TNKS: variants seen among roughly 807,000 people sequenced by gnomAD.
TNKS encodes the protein poly [ADP-ribose] polymerase tankyrase-1.
TNKS carries 72 observed loss-of-function variants against 135.8 expected under a neutral mutation model. The ratio of observed to expected loss-of-function variants is 0.53; its 90% CI spans 0.44 to 0.64. The LOEUF (loss-of-function observed/expected upper bound fraction) is 0.64. TNKS is among the 30% of genes least tolerant of loss of function. The pLI is 0.00. For synonymous variants in TNKS, 849 were observed against 649.3 expected (o/e 1.31, Z -4.68); for missense variants, 1,769 against 1,674.0 (o/e 1.06, Z -0.99).
At chr8:9,763,877 G>T (rs1175834524) in intron 22 of TNKS, among the ~76,000 whole-genome samples, 1 of 152,148 alleles carries the variant, frequency 6.6e-6, no homozygotes, top group Non-Finnish European at 1.5e-5. Flanking sequence ...GCAGAAAAAG[G>T]TATGCCTAAT....
chr8:9,644,298 C>G (rs1370062834), intron 3 of TNKS, among the ~76,000 whole-genome samples: 1 of 151,982 alleles, frequency 6.6e-6, no homozygotes, highest in Non-Finnish European at 1.5e-5. Flanking sequence ...GAGGTGATGC[C>G]ATAAATAAAT....
intron 5 of TNKS, among the ~76,000 whole-genome samples, chr8:9,695,132 AT>A (rs140737414): frequency 0.012 from 1,837 of 152,288 alleles, 39 homozygotes; most frequent in African/African-American, 0.041. Flanking sequence ...AGTTGTCATG[AT>A]TTTATTGCTC....
chr8:9,709,574 G>A (rs890101437), intron 9 of TNKS, among the ~76,000 whole-genome samples: 8 of 152,166 alleles, frequency 5.3e-5, no homozygotes, highest in Non-Finnish European at 1.2e-4. Context: ...GAAGAGCTTA[G>A]AAATACTGAC....
chr8:9,598,848 A>T (rs1213360368), intron 2 of TNKS, among the ~76,000 whole-genome samples: 1 of 140,036 alleles, frequency 7.1e-6, no homozygotes, highest in African/African-American at 2.6e-5. Context: ...TTTTACACAC[A>T]TAAGAAATTT....
At chr8:9,657,149 C>T (rs1283496888) in intron 3 of TNKS, among the ~76,000 whole-genome samples, 34 of 134,664 alleles carry the variant, frequency 2.5e-4, no homozygotes, top group South Asian at 5.3e-4. Flanking sequence ...ACCTCCCAGA[C>T]GGGGTGGTGG....
intron 12 of TNKS, among the ~76,000 whole-genome samples, chr8:9,723,232 T>C (rs1234258512): frequency 6.6e-6 from 1 of 151,056 alleles, no homozygotes; most frequent in Non-Finnish European, 1.5e-5. Flanking sequence ...TTACCAGGAA[T>C]TTGTATGTCT....
chr8:9,632,343 A>G (rs958434862), intron 3 of TNKS, among the ~76,000 whole-genome samples: 3 of 152,244 alleles, frequency 2.0e-5, no homozygotes, highest in East Asian at 1.9e-4. Context: ...AAAAAATACT[A>G]AGATGAATAC....
At chr8:9,567,718 G>T (rs1797602887) in intron 1 of TNKS, among the ~76,000 whole-genome samples, 1 of 152,114 alleles carries the variant, frequency 6.6e-6, no homozygotes, top group African/African-American at 2.4e-5. Flanking sequence ...CACCCTTCCA[G>T]CAACGACTTT....
intron 1 of TNKS, 129 bp downstream of exon 1, chr8:9,556,741 A>C: frequency 1.1e-6 from 1 of 928,398 alleles, no homozygotes; most frequent in Non-Finnish European, 1.5e-6. Context: ...ACCTCACCAG[A>C]AGACTGGAGG....
At chr8:9,646,999 G>A (rs1168219615) in intron 3 of TNKS, among the ~76,000 whole-genome samples, 1 of 152,098 alleles carries the variant, frequency 6.6e-6, no homozygotes, top group Admixed American at 6.6e-5. Context: ...GAGCAAAGAT[G>A]GCTAAACTAA....
At chr8:9,668,108 A>G (rs911939714) in intron 3 of TNKS, among the ~76,000 whole-genome samples, 4 of 152,244 alleles carry the variant, frequency 2.6e-5, no homozygotes, top group Non-Finnish European at 5.9e-5. Flanking sequence ...ACCCGTGTGA[A>G]CATTATCTGT....
At chr8:9,576,813 T>C (rs74830341) in intron 1 of TNKS, among the ~76,000 whole-genome samples, 1 of 152,004 alleles carries the variant, frequency 6.6e-6, no homozygotes, top group Non-Finnish European at 1.5e-5. Context: ...CCATATGAAG[T>C]TGACAAAAAT....
rs980541559 is a variant in TNKS at position 9,556,038 on chromosome 8, C to G, written c.99C>G (p.Pro33=). The change falls in exon 1 of 27, where the codon CCC becomes CCG. Residue 33 remains proline (P), a synonymous_variant. Coordinates refer to ENST00000310430, the MANE Select transcript of TNKS (RefSeq NM_003747.3). ...GASAPPPPPP[P]PLSPGLAPGT... ...CAGCGCCGCCGCCGCCACCTCCTCC[C>G]CCACTCAGCCCTGGCCTGGCCCCGG... The G allele has an allele frequency of 3.4e-5, 54 of 1,611,778 alleles. No individual in the cohort carries two copies. The highest frequency in any genetic ancestry group is 4.5e-5 in the Non-Finnish European group (53 of 1,179,508).
chr8:9,771,374 G>GTGAGAGAAGAA (rs1807845256), intron 26 of TNKS, among the ~76,000 whole-genome samples: 1 of 103,882 alleles, frequency 9.6e-6, no homozygotes, highest in African/African-American at 2.9e-5. Flanking sequence ...GAGGAAGGGA[G>GTGAGAGAAGAA]GGAGGGAAAG....
At chr8:9,636,272 G>T (rs1242494043) in intron 3 of TNKS, among the ~76,000 whole-genome samples, 3 of 152,108 alleles carry the variant, frequency 2.0e-5, no homozygotes, top group African/African-American at 7.2e-5. Context: ...GTTATTTCAA[G>T]TAAAATGTTA....
chr8:9,730,420 C>G (rs996030329), intron 13 of TNKS, among the ~76,000 whole-genome samples: 7 of 152,124 alleles, frequency 4.6e-5, no homozygotes, highest in East Asian at 1.9e-4. Flanking sequence ...CAGGGAGTGG[C>G]CCAGGCAGAA....
At chr8:9,676,556 C>G (rs1343805362) in intron 3 of TNKS, among the ~76,000 whole-genome samples, 1 of 151,864 alleles carries the variant, frequency 6.6e-6, no homozygotes, top group Non-Finnish European at 1.5e-5. Flanking sequence ...GTAATTTTGC[C>G]TTTACACTAA....
intron 5 of TNKS, among the ~76,000 whole-genome samples, chr8:9,695,978 C>G (rs573259749): frequency 1.3e-5 from 2 of 152,310 alleles, no homozygotes; most frequent in East Asian, 3.9e-4. Flanking sequence ...CATGAGAAGT[C>G]TTACATATAT....
chr8:9,610,287 A>T (rs892518030), intron 2 of TNKS, among the ~76,000 whole-genome samples: 74 of 140,640 alleles, frequency 5.3e-4, no homozygotes, highest in Non-Finnish European at 9.4e-4. Context: ...AAGAGTTTTT[A>T]AAAAATCTAT....
Sources: gnomAD v4.1 joint callset for allele counts (sites outside exome capture counted in the v4.1 genomes callset) on GRCh38, gnomAD v4.1.1 for gene constraint, MANE v1.5 for transcripts, NCBI Gene and HGNC (gene_info 2026-07-23, HGNC 2026-07-21) for gene names.